Variants in CHST15 observed in about 807,000 individuals in gnomAD.
CHST15 encodes the protein carbohydrate sulfotransferase 15.
Under a neutral mutation model 53.6 loss-of-function variants are expected in CHST15, and 30 were observed. The observed-to-expected ratio is 0.56, with a 90% confidence interval of 0.42 to 0.76. CHST15 has a LOEUF of 0.76. Ranked by LOEUF, CHST15 falls within the 30% of genes least tolerant of loss-of-function variation. CHST15 has a pLI of 0.00. For missense variants in CHST15, 627 were observed against 740.5 expected (o/e 0.85, Z 1.78); for synonymous variants, 296 against 289.8 (o/e 1.02, Z -0.22).
intron 1 of CHST15, among the ~76,000 whole-genome samples, chr10:124,068,698 G>A (rs1283127847): frequency 1.3e-5 from 2 of 152,156 alleles, no homozygotes; most frequent in Non-Finnish European, 2.9e-5. Context: ...AGTCCGTTGT[G>A]AAAAGCATCA....
intron 1 of CHST15, among the ~76,000 whole-genome samples, chr10:124,052,305 T>G (rs1948226491): frequency 6.6e-6 from 1 of 152,188 alleles, no homozygotes; most frequent in African/African-American, 2.4e-5. Flanking sequence ...ACTGAAGAGT[T>G]CTGTACAAAT....
chr10:124,038,465 T>C, intron 5 of CHST15, 50 bp downstream of exon 5: 1 of 1,594,762 alleles, frequency 6.3e-7, no homozygotes. Context: ...AACACTGTTC[T>C]TCAAAAGTTC....
chr10:124,053,587 A>G (rs1335177086), intron 1 of CHST15, among the ~76,000 whole-genome samples: 2 of 151,054 alleles, frequency 1.3e-5, no homozygotes, highest in Non-Finnish European at 3.0e-5. Context: ...TCTGCCTCCC[A>G]GAGGTTGGCT....
intron 1 of CHST15, among the ~76,000 whole-genome samples, chr10:124,061,545 CCACA>C (rs998886744): frequency 1.3e-5 from 2 of 152,214 alleles, no homozygotes; most frequent in Non-Finnish European, 2.9e-5. Flanking sequence ...AATACACTCC[CCACA>C]CAGTTTCCCA....
chr10:124,079,253 T>C (rs1015119627), intron 1 of CHST15, among the ~76,000 whole-genome samples: 1 of 152,200 alleles, frequency 6.6e-6, no homozygotes, highest in African/African-American at 2.4e-5. Context: ...TGACCAATAT[T>C]TATTGGGAAA....
chr10:124,045,529 G>C lies in CHST15; in HGVS notation c.546+138C>G. 1.0e-5 allele frequency: 9 copies of C among 875,840 alleles called. No individual in the cohort carries two copies. The South Asian group carries it at 1.6e-4, about 15-fold the overall frequency. 54.3% of individuals were successfully genotyped at this position (875,840 alleles called of 1,614,324 possible). On this transcript the variant is annotated intron_variant, in intron 2 of 7. Coordinates refer to ENST00000435907, the MANE Select transcript of CHST15 (RefSeq NM_001270764.2). ...TCTCTCAGTGCATTCAAATCCATAA[G>C]GCTGTCAAATGATCCTTGCTACATC...
chr10:124,011,165 G>T, intron 7 of CHST15: 1 of 907,088 alleles, frequency 1.1e-6, no homozygotes, highest in Non-Finnish European at 1.3e-6. Context: ...CCGCCCTCTG[G>T]GCCACAGCTT....
chr10:124,018,853 T>C lies in CHST15; in HGVS notation c.1347+2403A>G, dbSNP rs1358281685. Among the ~76,000 whole-genome samples, 3 of 152,100 alleles carry C rather than the reference T, an allele frequency of 2.0e-5. No homozygotes were observed. In the East Asian group the frequency reaches 5.8e-4, roughly 29 times the overall value. On this transcript the variant is annotated intron_variant, in intron 6 of 7. Coordinates refer to ENST00000435907, the MANE Select transcript of CHST15 (RefSeq NM_001270764.2). Reference sequence around the variant, plus strand: ...AGGGCCAGTGGCTGAATCAGGGCAATAGCAGAGGGTAGAACAGTGGAGCTC... The same window carrying C: ...AGGGCCAGTGGCTGAATCAGGGCAACAGCAGAGGGTAGAACAGTGGAGCTC...
At chr10:124,062,747 A>T (rs1455127118) in intron 1 of CHST15, among the ~76,000 whole-genome samples, 3 of 152,174 alleles carry the variant, frequency 2.0e-5, no homozygotes, top group African/African-American at 7.2e-5. Context: ...GAATACTTTT[A>T]AAAAGGATGA....
At chr10:124,063,643 T>C (rs1948662187) in intron 1 of CHST15, among the ~76,000 whole-genome samples, 1 of 151,766 alleles carries the variant, frequency 6.6e-6, no homozygotes, top group Non-Finnish European at 1.5e-5. Flanking sequence ...GGGGCATGGC[T>C]CGAAAAAAAA....
intron 1 of CHST15, among the ~76,000 whole-genome samples, chr10:124,049,172 C>T (rs116428077): frequency 1.5e-3 from 229 of 152,260 alleles, no homozygotes; most frequent in African/African-American, 5.2e-3. Flanking sequence ...CTGAGTGTTG[C>T]GCATGTCCAG....
At chr10:124,038,138 AC>A (rs1334125590) in intron 5 of CHST15, among the ~76,000 whole-genome samples, 3 of 146,970 alleles carry the variant, frequency 2.0e-5, no homozygotes, top group Non-Finnish European at 4.5e-5. Flanking sequence ...ATGGAGTCTC[AC>A]TCTGACACCC....
At position 124,024,345 on chromosome 10, in the gene CHST15, G is replaced by A. The variant is rs981169036; in HGVS notation, c.1191-2933C>T. ...TCCGTAGCCCACCTTGGCACATCGG[G>A]TGCCTCTGACACAGCCCTCTAGAAT... On this transcript the variant is annotated intron_variant, in intron 5 of 7. Transcript: ENST00000435907. The surrounding 1 kb of genome is among the most constrained non-coding windows in gnomAD (Gnocchi z 4.0). Among the ~76,000 whole-genome samples, 1 of 152,160 alleles carries A rather than the reference G, an allele frequency of 6.6e-6. No individual in the cohort carries two copies. The highest frequency in any genetic ancestry group is 2.4e-5 in the African/African-American group (1 of 41,436).
In CHST15 at chr10:124,074,019, G is replaced by C. The variant is rs866349371; in HGVS notation, c.-513+19450C>G. ...CTACGGGCTAGGCACACACAGGGCA[G>C]GGGAGAGGTCTCAAATGGGGGCTTT... On this transcript the variant is annotated intron_variant, in intron 1 of 7. Transcript: ENST00000435907. This position sits in a 1 kb window ranked among gnomAD's most constrained non-coding sequence, Gnocchi z 4.4. Among the ~76,000 whole-genome samples the C allele has an allele frequency of 4.6e-5, 7 of 152,218 alleles. No individual in the cohort carries two copies. Among genetic ancestry groups the C allele is most frequent in the Non-Finnish European group, 2.9e-5 (2 of 68,038 alleles).
chr10:124,021,027 G>A, intron 6 of CHST15: 1 of 1,430,908 alleles, frequency 7.0e-7, no homozygotes. Context: ...GAGGGAGGAG[G>A]GGGAGGTGGC....
At position 124,044,680 on chromosome 10, in the gene CHST15, G is replaced by T; in HGVS notation, c.786C>A (p.Pro262=). 2 of 1,613,708 alleles carry T rather than the reference G, an allele frequency of 1.2e-6. No homozygotes were observed. The highest frequency in any genetic ancestry group is 1.7e-6 in the Non-Finnish European group (2 of 1,179,822). ...CLPHFYIIGQ[P]KCGTTDLYDR... ...CATAGAGGTCTGTGGTCCCGCACTT[G>T]GGCTGCCCTATGATGTAGAAGTGCG... The change falls in exon 3 of 8, where the codon CCC becomes CCA. Residue 262 remains proline (P), a synonymous_variant. Transcript: ENST00000435907.
chr10:124,069,228 C>T (rs903080697), intron 1 of CHST15, among the ~76,000 whole-genome samples: 1 of 152,226 alleles, frequency 6.6e-6, no homozygotes, highest in Non-Finnish European at 1.5e-5. Flanking sequence ...TCCTGTAGTC[C>T]TCCTGAATAT....
At chr10:124,063,932 T>C (rs761471369) in intron 1 of CHST15, among the ~76,000 whole-genome samples, 2 of 152,236 alleles carry the variant, frequency 1.3e-5, no homozygotes, top group Non-Finnish European at 2.9e-5. Context: ...CAGCGTTGTT[T>C]TGTGTCCTCA....
intron 6 of CHST15, among the ~76,000 whole-genome samples, chr10:124,014,050 A>G (rs905741804): frequency 6.6e-6 from 1 of 152,252 alleles, no homozygotes; most frequent in Non-Finnish European, 1.5e-5. Flanking sequence ...CTATGTGTAG[A>G]AAGTCCTGGG....
Sources: gnomAD v4.1 joint callset for allele counts (sites outside exome capture counted in the v4.1 genomes callset) on GRCh38, gnomAD v4.1.1 for gene constraint, Gnocchi (gnomAD v3.1) non-coding constraint, MANE v1.5 for transcripts, NCBI Gene and HGNC (gene_info 2026-07-23, HGNC 2026-07-21) for gene names.